PIK3C2G: variants seen among roughly 807,000 people sequenced by gnomAD.
The protein encoded by PIK3C2G is phosphatidylinositol-4-phosphate 3-kinase catalytic subunit type 2 gamma, also known as phosphatidylinositol 3-kinase C2 domain-containing subunit gamma.
In PIK3C2G, 168 loss-of-function variants were observed where a neutral mutation model predicts 181.1. The ratio of observed to expected loss-of-function variants is 0.93; its 90% CI spans 0.82 to 1.05. The LOEUF is 1.05. PIK3C2G is among the 50% of genes least tolerant of loss of function. The pLI is 0.00. For missense variants in PIK3C2G, 1,869 were observed against 1,732.8 expected, an observed-to-expected ratio of 1.08 and a Z score of -1.40; for synonymous variants, 573 against 592.2, an observed-to-expected ratio of 0.97 and a Z score of 0.47.
chr12:18,429,556 A>T (rs1946035075), intron 18 of PIK3C2G, among the ~76,000 whole-genome samples: 1 of 152,080 alleles, frequency 6.6e-6, no homozygotes, highest in Non-Finnish European at 1.5e-5. Context: ...GCCAGACATC[A>T]TATCACACTC....
intron 5 of PIK3C2G, among the ~76,000 whole-genome samples, chr12:18,298,011 T>C (rs997124389): frequency 2.0e-5 from 3 of 152,086 alleles, no homozygotes; most frequent in East Asian, 3.9e-4. Context: ...CCCTTTGTTA[T>C]ACTAATTTCC....
At chr12:18,334,066 T>G (rs1374293585) in intron 8 of PIK3C2G, among the ~76,000 whole-genome samples, 1 of 152,176 alleles carries the variant, frequency 6.6e-6, no homozygotes, top group Admixed American at 6.5e-5. Flanking sequence ...ACATCCAATA[T>G]TTCCAACGAT....
the PIK3C2G span, among the ~76,000 whole-genome samples, chr12:18,666,602 A>T: frequency 6.6e-6 from 1 of 152,218 alleles, no homozygotes; most frequent in Non-Finnish European, 1.5e-5. Flanking sequence ...AAAGAAACAG[A>T]TAGTTCAACA....
rs1943797600 is a variant in PIK3C2G, at chr12:18,535,451, A to G, written c.3324-2705A>G. ...TCTTTTGTGTATTTAACTTTCTGTT[A>G]TGGTGTTTCTGCATCTGATTTCTAA... On this transcript the variant is annotated intron_variant, in intron 24 of 32. Coordinates refer to ENST00000538779, the MANE Select transcript of PIK3C2G (RefSeq NM_001288772.2). Among the ~76,000 whole-genome samples the G allele has an allele frequency of 2.0e-5, 3 of 152,044 alleles. No individual in the cohort carries two copies. The South Asian group carries it at 6.2e-4, about 32-fold the overall frequency.
chr12:18,631,214 T>C (rs375773704), intron 31 of PIK3C2G, among the ~76,000 whole-genome samples: 1 of 152,018 alleles, frequency 6.6e-6, no homozygotes, highest in East Asian at 1.9e-4. Context: ...GACAACAACA[T>C]TGGGGGGAAG....
chr12:18,534,923 G>A (rs1208181007), intron 24 of PIK3C2G, among the ~76,000 whole-genome samples: 1 of 151,762 alleles, frequency 6.6e-6, no homozygotes, highest in Non-Finnish European at 1.5e-5. Context: ...AAAAAGTTAG[G>A]ATTGTCACAG....
chr12:18,347,252 A>T (rs929446083), intron 11 of PIK3C2G, among the ~76,000 whole-genome samples: 1 of 152,110 alleles, frequency 6.6e-6, no homozygotes, highest in Non-Finnish European at 1.5e-5. Context: ...GATCCCCACC[A>T]GGTTTCAGTG....
chr12:18,450,565 G>A (rs1565736382), intron 18 of PIK3C2G, among the ~76,000 whole-genome samples: 1 of 152,092 alleles, frequency 6.6e-6, no homozygotes, highest in Non-Finnish European at 1.5e-5. Flanking sequence ...TTCTTTTGCT[G>A]TGCAGAATCT....
At chr12:18,713,034 A>G in the PIK3C2G span, 1 of 1,603,150 alleles carries the variant, frequency 6.2e-7, no homozygotes, top group Non-Finnish European at 8.5e-7. Context: ...ACCATTAAAA[A>G]TATATACCAA....
At chr12:18,405,624 A>T (rs1565685337) in intron 16 of PIK3C2G, among the ~76,000 whole-genome samples, 1 of 152,192 alleles carries the variant, frequency 6.6e-6, no homozygotes, top group Non-Finnish European at 1.5e-5. Context: ...GTGGTATCTT[A>T]GAACTCTTGA....
chr12:18,287,062 A>C (rs901496519), intron 3 of PIK3C2G, 133 bp downstream of exon 3: 13 of 422,166 alleles, frequency 3.1e-5, no homozygotes, highest in Admixed American at 4.4e-5. Context: ...CTAAAAAATA[A>C]AATTTTTTGA....
intron 18 of PIK3C2G, among the ~76,000 whole-genome samples, chr12:18,480,762 G>T (rs1939478227): frequency 6.6e-6 from 1 of 152,054 alleles, no homozygotes; most frequent in South Asian, 2.1e-4. Flanking sequence ...ATAATTAAAG[G>T]TGGATATAAA....
chr12:18,316,291 T>A (rs1020802864), intron 6 of PIK3C2G, among the ~76,000 whole-genome samples: 2 of 152,172 alleles, frequency 1.3e-5, no homozygotes, highest in Admixed American at 1.3e-4. Context: ...CCGTCAATAT[T>A]AAACTTAAGA....
chr12:18,604,535 A>G (rs1334179711), intron 30 of PIK3C2G, among the ~76,000 whole-genome samples: 1 of 152,238 alleles, frequency 6.6e-6, no homozygotes, highest in Non-Finnish European at 1.5e-5. Flanking sequence ...TATACCTTGG[A>G]GCAAATGGAC....
intron 18 of PIK3C2G, among the ~76,000 whole-genome samples, chr12:18,458,115 T>C (rs1457139785): frequency 6.6e-6 from 1 of 152,206 alleles, no homozygotes; most frequent in Non-Finnish European, 1.5e-5. Context: ...ACCTTCATCT[T>C]ATCCACCATA....
chr12:18,627,252 A>G (rs936334146), intron 31 of PIK3C2G, among the ~76,000 whole-genome samples: 8 of 151,280 alleles, frequency 5.3e-5, no homozygotes, highest in African/African-American at 1.2e-4. Context: ...TTCTTTCTCA[A>G]ACTTCTCATT....
intron 14 of PIK3C2G, among the ~76,000 whole-genome samples, chr12:18,390,598 T>G (rs1194861851): frequency 6.6e-6 from 1 of 152,168 alleles, no homozygotes; most frequent in African/African-American, 2.4e-5. Context: ...GATTTTTTAC[T>G]AACACAACAG....
At chr12:18,308,467 T>C (rs1950507989) in intron 5 of PIK3C2G, among the ~76,000 whole-genome samples, 1 of 150,694 alleles carries the variant, frequency 6.6e-6, no homozygotes, top group Admixed American at 6.6e-5. Flanking sequence ...AGATCAATGG[T>C]TAACATAATT....
At position 18,407,227 on chromosome 12, in the gene PIK3C2G, C is replaced by T. The variant is rs560228243; in HGVS notation, c.2315+7380C>T. Among the ~76,000 whole-genome samples, 211 of 152,138 alleles carry T rather than the reference C, an allele frequency of 1.4e-3. 1 individual carries two copies. Among genetic ancestry groups the T allele is most frequent in the Non-Finnish European group, 2.2e-3 (152 of 67,960 alleles). ...GCCAAATGTTAAATATAAATAAATT[C>T]ATGAGAAATATTTAATTTCTATTAA... On this transcript the variant is annotated intron_variant, in intron 16 of 32. Coordinates refer to ENST00000538779, the MANE Select transcript of PIK3C2G (RefSeq NM_001288772.2).
Sources: gnomAD v4.1 joint callset for allele counts (sites outside exome capture counted in the v4.1 genomes callset) on GRCh38, gnomAD v4.1.1 for gene constraint, MANE v1.5 for transcripts, NCBI Gene and HGNC (gene_info 2026-07-23, HGNC 2026-07-21) for gene names.